TRIM71: variants seen among roughly 807,000 people sequenced by gnomAD.
TRIM71 encodes E3 ubiquitin-protein ligase TRIM71.
Under a neutral mutation model 61.2 loss-of-function variants are expected in TRIM71, and 9 were observed. The ratio of observed to expected loss-of-function variants is 0.15; its 90% CI spans 0.09 to 0.26. The LOEUF (loss-of-function observed/expected upper bound fraction) is 0.26. Among genes scored for constraint, TRIM71 ranks in the 10% least tolerant of loss-of-function variants. TRIM71 has a pLI of 1.00. For missense variants in TRIM71, 998 were observed against 1,238.7 expected, an observed-to-expected ratio of 0.81 and a Z score of 2.92; for synonymous variants, 645 against 553.2, an observed-to-expected ratio of 1.17 and a Z score of -2.33.
chr3:32,889,332 C>T (rs1696996462), intron 3 of TRIM71, among the ~76,000 whole-genome samples: 2 of 152,122 alleles, frequency 1.3e-5, no homozygotes, highest in Admixed American at 1.3e-4. Context: ...AGTGGTTATT[C>T]ACAGACACAG....
In TRIM71 at chr3:32,818,107, C is replaced by G. The variant is rs367928523; in HGVS notation, c.27C>G (p.Phe9Leu). 2.0e-5 allele frequency: 32 copies of G among 1,610,858 alleles called. No homozygotes were observed. The highest frequency in any genetic ancestry group is 2.6e-5 in the Non-Finnish European group (31 of 1,178,378). Reference protein sequence around the residue: MASFPETDFQICLLCKEMC... With the variant: MASFPETDLQICLLCKEMC... ...TGGCTTCGTTCCCCGAGACCGATTT[C>G]CAGATCTGCTTGCTGTGCAAGGAGA... The change falls in exon 1 of 4, where the codon TTC becomes TTG. Residue 9 changes from phenylalanine (F) to leucine (L), a missense_variant. This residue lies in a region of TRIM71 where 527 missense variants were observed against 427.8 expected (regional missense o/e 1.23). Coordinates refer to ENST00000383763, the MANE Select transcript of TRIM71 (RefSeq NM_001039111.3).
Position 32,890,116 on chromosome 3 carries a change from A to G in TRIM71, c.1156-244A>G, listed in dbSNP as rs1029591821. Among the ~76,000 whole-genome samples, 1 of 152,200 alleles carries G rather than the reference A, an allele frequency of 6.6e-6. No individual in the cohort carries two copies. Among genetic ancestry groups the G allele is most frequent in the Non-Finnish European group, 1.5e-5 (1 of 68,042 alleles). On this transcript the variant is annotated intron_variant, in intron 3 of 3. Transcript: ENST00000383763. The surrounding 1 kb of genome is among the most constrained non-coding windows in gnomAD (Gnocchi z 6.2). ...TAGCTAGCCACTCCCTCCAGTCCAG[A>G]GTCACTAATTACATATAGTTGTCCT...
At chr3:32,873,588 C>T (rs922739381) in intron 1 of TRIM71, among the ~76,000 whole-genome samples, 1 of 152,092 alleles carries the variant, frequency 6.6e-6, no homozygotes, top group Non-Finnish European at 1.5e-5. Context: ...CAGTTGTGTT[C>T]CCCCCTCCAT....
intron 1 of TRIM71, among the ~76,000 whole-genome samples, chr3:32,821,777 G>C (rs1293057789): frequency 6.6e-6 from 1 of 151,484 alleles, no homozygotes; most frequent in African/African-American, 2.4e-5. Flanking sequence ...TGCGTGCCGC[G>C]GGTCCCGGGA....
chr3:32,846,397 G>A (rs981954423), intron 1 of TRIM71, among the ~76,000 whole-genome samples: 2 of 152,134 alleles, frequency 1.3e-5, no homozygotes, highest in African/African-American at 4.8e-5. Flanking sequence ...TTTTAAATTG[G>A]CATAATAACT....
At chr3:32,819,561 C>T (rs529460477) in intron 1 of TRIM71, among the ~76,000 whole-genome samples, 1 of 152,248 alleles carries the variant, frequency 6.6e-6, no homozygotes, top group Admixed American at 6.5e-5. Context: ...TCTTTGAGGG[C>T]CAAGGGCCCC....
chr3:32,835,933 T>G (rs74433221), intron 1 of TRIM71, among the ~76,000 whole-genome samples: 2 of 152,198 alleles, frequency 1.3e-5, no homozygotes, highest in Non-Finnish European at 2.9e-5. Flanking sequence ...AAAAAACATG[T>G]GTAGGTGCTA....
At chr3:32,825,692 G>A (rs775539717) in intron 1 of TRIM71, among the ~76,000 whole-genome samples, 8 of 152,068 alleles carry the variant, frequency 5.3e-5, no homozygotes, top group South Asian at 2.1e-4. Context: ...TTTTGGAAGC[G>A]AGCAAGAGAA....
At chr3:32,879,672 TAAAAAAAA>T (rs34024813) in intron 2 of TRIM71, among the ~76,000 whole-genome samples, 9 of 148,010 alleles carry the variant, frequency 6.1e-5, no homozygotes, top group Non-Finnish European at 1.3e-4. Context: ...TTCAATTTCT[TAAAAAAAA>T]AAAAAAAACT....
intron 1 of TRIM71, among the ~76,000 whole-genome samples, chr3:32,859,108 G>A (rs145450746): frequency 2.0e-5 from 3 of 152,254 alleles, no homozygotes; most frequent in South Asian, 2.1e-4. Flanking sequence ...CACAAGTTCT[G>A]TCGAACAGCA....
At chr3:32,855,832 A>G (rs1408012457) in intron 1 of TRIM71, among the ~76,000 whole-genome samples, 1 of 152,082 alleles carries the variant, frequency 6.6e-6, no homozygotes, top group African/African-American at 2.4e-5. Flanking sequence ...TACTGTTTAT[A>G]AAACAACCCA....
intron 2 of TRIM71, among the ~76,000 whole-genome samples, chr3:32,876,459 C>G (rs775677925): frequency 3.3e-5 from 5 of 152,156 alleles, no homozygotes; most frequent in Non-Finnish European, 7.3e-5. Flanking sequence ...TGGCAGGCAC[C>G]TGTAATGCCA....
intron 1 of TRIM71, among the ~76,000 whole-genome samples, chr3:32,819,436 C>T (rs181731651): frequency 6.6e-6 from 1 of 152,286 alleles, no homozygotes; most frequent in Admixed American, 6.5e-5. Flanking sequence ...TGTGTGCCTC[C>T]GTAGACCTGG....
chr3:32,869,317 T>C (rs1241512994), intron 1 of TRIM71, among the ~76,000 whole-genome samples: 1 of 152,270 alleles, frequency 6.6e-6, no homozygotes, highest in Non-Finnish European at 1.5e-5. Flanking sequence ...ACCAAACTAA[T>C]CTTTAAAAAG....
intron 2 of TRIM71, among the ~76,000 whole-genome samples, chr3:32,876,381 C>T (rs534476067): frequency 1.4e-4 from 22 of 152,096 alleles, no homozygotes; most frequent in Non-Finnish European, 2.5e-4. Context: ...GTCAGGAGTT[C>T]GAGACCAGCC....
intron 1 of TRIM71, among the ~76,000 whole-genome samples, chr3:32,853,846 A>C (rs567892593): frequency 3.7e-4 from 57 of 152,272 alleles, no homozygotes; most frequent in Non-Finnish European, 7.2e-4. Context: ...ATCTCGACTA[A>C]AAATACAAAA....
At chr3:32,827,904 T>C (rs1056136445) in intron 1 of TRIM71, among the ~76,000 whole-genome samples, 23 of 152,230 alleles carry the variant, frequency 1.5e-4, no homozygotes, top group Non-Finnish European at 7.3e-5. Flanking sequence ...GCAGTTAAAA[T>C]GTTTTTCTTG....
intron 2 of TRIM71, among the ~76,000 whole-genome samples, chr3:32,880,910 G>GT (rs1266430841): frequency 1.3e-4 from 20 of 152,212 alleles, no homozygotes; most frequent in African/African-American, 4.8e-4. Context: ...GCCATTAATT[G>GT]TAAGGTGTAC....
At chr3:32,848,206 T>C (rs542605121) in intron 1 of TRIM71, among the ~76,000 whole-genome samples, 1 of 152,338 alleles carries the variant, frequency 6.6e-6, no homozygotes, top group African/African-American at 2.4e-5. Flanking sequence ...TAAATAGAAA[T>C]GATAGGTAGA....
Sources: gnomAD v4.1 joint callset for allele counts (sites outside exome capture counted in the v4.1 genomes callset) on GRCh38, gnomAD v4.1.1 for gene constraint, gnomAD v4.1.1 regional missense constraint, Gnocchi (gnomAD v3.1) non-coding constraint, MANE v1.5 for transcripts, NCBI Gene and HGNC (gene_info 2026-07-23, HGNC 2026-07-21) for gene names.